Variants in BCAS3 observed in about 807,000 individuals in gnomAD.
BCAS3 encodes BCAS3 microtubule associated cell migration factor, also known as BCAS4/BCAS3 fusion.
A neutral mutation model predicts 116.1 loss-of-function variants in BCAS3; 53 were observed. That is an observed-to-expected ratio of 0.46 (90% CI 0.37 to 0.57). The LOEUF (loss-of-function observed/expected upper bound fraction) is 0.57, where lower values mean the gene tolerates loss of function less well. BCAS3 is among the 20% of genes least tolerant of loss of function. BCAS3 has a pLI of 0.00. For missense variants in BCAS3, 917 were observed against 1,165.4 expected (o/e 0.79, Z 3.10); for synonymous variants, 391 against 408.2 (o/e 0.96, Z 0.51).
At chr17:60,989,678 G>A (rs1469062397) in intron 14 of BCAS3, among the ~76,000 whole-genome samples, 1 of 152,118 alleles carries the variant, frequency 6.6e-6, no homozygotes, top group Non-Finnish European at 1.5e-5. Flanking sequence ...TCAGTTATGT[G>A]TGTGTGTTGG....
intron 19 of BCAS3, among the ~76,000 whole-genome samples, chr17:61,057,541 C>T (rs994454613): frequency 6.6e-6 from 1 of 152,126 alleles, no homozygotes; most frequent in African/African-American, 2.4e-5. Context: ...TTTCAACTTT[C>T]AGATTTGGGG....
chr17:61,315,175 G>A lies in BCAS3; in HGVS notation c.2426-53152G>A, dbSNP rs1434797028. On this transcript the variant is annotated intron_variant, in intron 22 of 23. Coordinates refer to ENST00000407086, the MANE Select transcript of BCAS3 (RefSeq NM_017679.5). This position sits in a 1 kb window ranked among gnomAD's most constrained non-coding sequence, Gnocchi z 5.3. ...CTGTCACCTAGGCTGGAGTGCAGTG[G>A]CGTGATCTCGGCTCACTGCAGCCTC... 6.6e-6 allele frequency among the ~76,000 whole-genome samples: 1 copy of A among 152,146 alleles called. No individual in the cohort carries two copies. Among genetic ancestry groups the A allele is most frequent in the African/African-American group, 2.4e-5 (1 of 41,426 alleles).
At position 61,017,778 on chromosome 17, in the gene BCAS3, G is replaced by A. The variant is rs2065562459; in HGVS notation, c.1637+1877G>A. ...ATGTAGTATTTGAAATTTTCCATAA[G>A]AAGATAAAATCTCTTGCTTTCTTTC... On this transcript the variant is annotated intron_variant, in intron 16 of 23. Coordinates refer to ENST00000407086, the MANE Select transcript of BCAS3 (RefSeq NM_017679.5). This position sits in a 1 kb window ranked among gnomAD's most constrained non-coding sequence, Gnocchi z 4.7. Among the ~76,000 whole-genome samples, 2 of 152,110 alleles carry A rather than the reference G, an allele frequency of 1.3e-5. No individual in the cohort carries two copies. The highest frequency in any genetic ancestry group is 4.2e-4 in the South Asian group (2 of 4,818).
chr17:60,932,461 G>T (rs1308262936), intron 13 of BCAS3, among the ~76,000 whole-genome samples: 1 of 152,126 alleles, frequency 6.6e-6, no homozygotes, highest in Non-Finnish European at 1.5e-5. Flanking sequence ...GAATTGTCTG[G>T]CCGGGCACGG....
chr17:60,833,318 T>C (rs1025395730), intron 7 of BCAS3, among the ~76,000 whole-genome samples: 5 of 152,226 alleles, frequency 3.3e-5, no homozygotes, highest in African/African-American at 1.2e-4. Context: ...TTTTTTATAA[T>C]GCAAATAAAA....
At chr17:61,099,670 T>C (rs2074202917) in intron 22 of BCAS3, among the ~76,000 whole-genome samples, 1 of 152,226 alleles carries the variant, frequency 6.6e-6, no homozygotes, top group Non-Finnish European at 1.5e-5. Context: ...GCATGGAAAT[T>C]TTTGTTTTAA....
In BCAS3 at chr17:61,377,042, G is replaced by A. The variant is rs2059372013; in HGVS notation, c.2593+8548G>A. 6.6e-6 allele frequency among the ~76,000 whole-genome samples: 1 copy of A among 152,184 alleles called. No homozygotes were observed. The highest frequency in any genetic ancestry group is 1.5e-5 in the Non-Finnish European group (1 of 68,022). On this transcript the variant is annotated intron_variant, in intron 23 of 23. Coordinates refer to ENST00000407086, the MANE Select transcript of BCAS3 (RefSeq NM_017679.5). This position sits in a 1 kb window ranked among gnomAD's most constrained non-coding sequence, Gnocchi z 4.6. ...AGAGGAGGCCACAATACTGAACGGT[G>A]GGTCTGTTTCTCTCTGACTTCTACC...
chr17:60,725,952 A>G (rs1050834307), intron 5 of BCAS3, among the ~76,000 whole-genome samples: 3 of 151,512 alleles, frequency 2.0e-5, no homozygotes, highest in Admixed American at 6.6e-5. Flanking sequence ...CTGGAGTGCA[A>G]TGGTGTGATC....
chr17:61,134,955 A>G lies in BCAS3; in HGVS notation c.2425+50391A>G, dbSNP rs1388711250. 6.6e-6 allele frequency among the ~76,000 whole-genome samples: 1 copy of G among 152,200 alleles called. No homozygotes were observed. Among genetic ancestry groups the G allele is most frequent in the Non-Finnish European group, 1.5e-5 (1 of 68,030 alleles). Reference sequence around the variant, plus strand: ...TAAAAGTGATATACAGTATTTCTTCAAAACTGGAATGTTATTAGAGTTCTT... The same window carrying G: ...TAAAAGTGATATACAGTATTTCTTCGAAACTGGAATGTTATTAGAGTTCTT... On this transcript the variant is annotated intron_variant, in intron 22 of 23. Transcript: ENST00000407086. This position sits in a 1 kb window ranked among gnomAD's most constrained non-coding sequence, Gnocchi z 4.6.
intron 22 of BCAS3, among the ~76,000 whole-genome samples, chr17:61,168,174 G>A (rs746558679): frequency 6.6e-6 from 1 of 152,074 alleles, no homozygotes; most frequent in Admixed American, 6.5e-5. Context: ...GTCTCCTTCT[G>A]TATGTTTTTG....
In BCAS3 at chr17:61,333,980, T is replaced by C. The variant is rs1482566780; in HGVS notation, c.2426-34347T>C. ...ATTGAGAGATGAGTCAGCATTCATA[T>C]ATTCATTCATTCATTCATTCAGATA... On this transcript the variant is annotated intron_variant, in intron 22 of 23. Transcript: ENST00000407086. This position sits in a 1 kb window ranked among gnomAD's most constrained non-coding sequence, Gnocchi z 4.8. 3.9e-5 allele frequency among the ~76,000 whole-genome samples: 6 copies of C among 152,186 alleles called. No individual in the cohort carries two copies. Among genetic ancestry groups the C allele is most frequent in the Non-Finnish European group, 8.8e-5 (6 of 68,044 alleles).
At position 61,279,704 on chromosome 17, in the gene BCAS3, C is replaced by T. The variant is rs576979659; in HGVS notation, c.2426-88623C>T. On this transcript the variant is annotated intron_variant, in intron 22 of 23. Transcript: ENST00000407086. The surrounding 1 kb of genome is among the most constrained non-coding windows in gnomAD (Gnocchi z 4.4). ...AGTCCATCCTGGTGTAGACCACAAA[C>T]CATGTTTAAAATAGTGGGCTAAGCC... 4.6e-5 allele frequency among the ~76,000 whole-genome samples: 7 copies of T among 151,842 alleles called. No individual in the cohort carries two copies. Among genetic ancestry groups the T allele is most frequent in the African/African-American group, 1.7e-4 (7 of 41,362 alleles).
chr17:61,384,774 G>A (rs748162547), intron 23 of BCAS3: 1 of 152,316 alleles, frequency 6.6e-6, no homozygotes, highest in Non-Finnish European at 1.5e-5. Context: ...GTCCCTGCTA[G>A]CCCCAGCACC....
In BCAS3 at chr17:61,040,904, A is replaced by C. The variant is rs1219528678; in HGVS notation, c.2029+12A>C. The C allele has an allele frequency of 3.7e-6, 6 of 1,605,624 alleles. No individual in the cohort carries two copies. The Admixed American group carries it at 1.0e-4, about 27-fold the overall frequency. On this transcript the variant is annotated intron_variant, in intron 19 of 23. Transcript: ENST00000407086. ...CCTGCTTGCTGGCCGTAAGTAGTTC[A>C]GATTTTTTTTTTCCTTTCGTATGGT...
chr17:60,707,128 AT>A (rs963303581), intron 4 of BCAS3, among the ~76,000 whole-genome samples: 8 of 151,808 alleles, frequency 5.3e-5, no homozygotes, highest in African/African-American at 1.9e-4. Context: ...TGTAGCTGGG[AT>A]TACAGGCATA....
intron 14 of BCAS3, among the ~76,000 whole-genome samples, chr17:60,958,232 A>G (rs1174163107): frequency 6.6e-6 from 1 of 152,308 alleles, no homozygotes; most frequent in East Asian, 1.9e-4. Flanking sequence ...AATCCCAGAG[A>G]TCTGCAGAGG....
At chr17:61,002,650 G>A (rs542151985) in intron 15 of BCAS3, 1 of 152,164 alleles carries the variant, frequency 6.6e-6, no homozygotes, top group African/African-American at 2.4e-5. Flanking sequence ...TCCTTTCTGA[G>A]TACTACATGC....
chr17:61,090,982 G>A (rs2073513376), intron 22 of BCAS3, among the ~76,000 whole-genome samples: 1 of 152,164 alleles, frequency 6.6e-6, no homozygotes, highest in African/African-American at 2.4e-5. Context: ...TTTATAGGAT[G>A]TTAGAAGACC....
rs571291569 is a variant in BCAS3, at chr17:61,256,622, G to A, written c.2426-111705G>A. On this transcript the variant is annotated intron_variant, in intron 22 of 23. Transcript: ENST00000407086. This position sits in a 1 kb window ranked among gnomAD's most constrained non-coding sequence, Gnocchi z 5.6. Reference sequence around the variant, plus strand: ...CCTGGCCGTTTGGTTTTGTTTAGGTGTCTTTGTCCATGGAGTGCTATGTGT... The same window carrying A: ...CCTGGCCGTTTGGTTTTGTTTAGGTATCTTTGTCCATGGAGTGCTATGTGT... Among the ~76,000 whole-genome samples, 126 of 152,168 alleles carry A rather than the reference G, an allele frequency of 8.3e-4. No individual in the cohort carries two copies. The highest frequency in any genetic ancestry group is 2.9e-3 in the African/African-American group (122 of 41,536).
Sources: gnomAD v4.1 joint callset for allele counts (sites outside exome capture counted in the v4.1 genomes callset) on GRCh38, gnomAD v4.1.1 for gene constraint, Gnocchi (gnomAD v3.1) non-coding constraint, MANE v1.5 for transcripts, NCBI Gene and HGNC (gene_info 2026-07-23, HGNC 2026-07-21) for gene names.